XRCC4: variants seen among roughly 807,000 people sequenced by gnomAD.
XRCC4 encodes the protein DNA repair protein XRCC4.
XRCC4 carries 28 observed loss-of-function variants against 39.1 expected under a neutral mutation model. The ratio of observed to expected loss-of-function variants is 0.72; its 90% CI spans 0.53 to 0.98. The LOEUF (loss-of-function observed/expected upper bound fraction) is 0.98. Among genes scored for constraint, XRCC4 ranks in the 50% least tolerant of loss-of-function variants. The pLI is 0.00. For synonymous variants in XRCC4, 123 were observed against 126.4 expected, an observed-to-expected ratio of 0.97 and a Z score of 0.18; for missense variants, 350 against 376.4, an observed-to-expected ratio of 0.93 and a Z score of 0.58.
intron 1 of XRCC4, among the ~76,000 whole-genome samples, chr5:83,094,362 T>C (rs1232629451): frequency 1.0e-5 from 1 of 100,384 alleles, no homozygotes; most frequent in African/African-American, 4.3e-5. Context: ...CTTCCCCTCC[T>C]TTCCCCTCCC....
chr5:83,183,139 A>G (rs1268229924), intron 3 of XRCC4, among the ~76,000 whole-genome samples: 3 of 152,096 alleles, frequency 2.0e-5, no homozygotes, highest in Non-Finnish European at 1.5e-5. Flanking sequence ...ATTCATCATC[A>G]TTTATCTGTA....
intron 3 of XRCC4, among the ~76,000 whole-genome samples, chr5:83,117,082 A>G (rs971503098): frequency 3.3e-5 from 5 of 152,156 alleles, no homozygotes; most frequent in African/African-American, 9.7e-5. Flanking sequence ...GCTTTTCTTT[A>G]TAGATAACAT....
intron 1 of XRCC4, among the ~76,000 whole-genome samples, chr5:83,101,564 T>C (rs1194211456): frequency 1.3e-5 from 2 of 152,078 alleles, no homozygotes; most frequent in Admixed American, 1.3e-4. Context: ...GATAGGCTGG[T>C]AGAGTGGATA....
intron 7 of XRCC4, among the ~76,000 whole-genome samples, chr5:83,264,389 T>C (rs1753880458): frequency 6.6e-6 from 1 of 152,208 alleles, no homozygotes; most frequent in East Asian, 1.9e-4. Flanking sequence ...GAAAGTTATT[T>C]GTTTGCTTTC....
chr5:83,197,476 A>C (rs1164226785), intron 4 of XRCC4, among the ~76,000 whole-genome samples: 1 of 152,144 alleles, frequency 6.6e-6, no homozygotes, highest in Non-Finnish European at 1.5e-5. Context: ...TTGCTTTAAA[A>C]TGTCTGCCAG....
chr5:83,258,399 A>T, intron 6 of XRCC4, 131 bp from the exon 7 acceptor site: 1 of 1,130,860 alleles, frequency 8.8e-7, no homozygotes, highest in Non-Finnish European at 1.3e-6. Context: ...ACAAATCTGC[A>T]TAAAGATTTG....
chr5:83,272,418 G>A (rs552947883), intron 7 of XRCC4, among the ~76,000 whole-genome samples: 6 of 152,016 alleles, frequency 3.9e-5, no homozygotes, highest in Admixed American at 3.9e-4. Context: ...TTATTATTAT[G>A]TATTATACTT....
At chr5:83,275,251 C>CT (rs1428074680) in intron 7 of XRCC4, among the ~76,000 whole-genome samples, 1 of 150,958 alleles carries the variant, frequency 6.6e-6, no homozygotes, top group African/African-American at 2.4e-5. Context: ...AAAGAAACAG[C>CT]TTTGCAGGTC....
intron 2 of XRCC4, among the ~76,000 whole-genome samples, chr5:83,106,474 A>C (rs1314602244): frequency 6.6e-6 from 1 of 152,104 alleles, no homozygotes; most frequent in Admixed American, 6.6e-5. Context: ...AGCCTTAATT[A>C]TCAAAGGAAG....
At chr5:83,359,565 T>G in the XRCC4 span, among the ~76,000 whole-genome samples, 24 of 152,118 alleles carry the variant, frequency 1.6e-4, no homozygotes, top group Non-Finnish European at 2.8e-4. Flanking sequence ...TTCATCCTTA[T>G]ATATTTCTGG....
At chr5:83,306,574 A>G (rs1755495181) in intron 7 of XRCC4, among the ~76,000 whole-genome samples, 1 of 152,244 alleles carries the variant, frequency 6.6e-6, no homozygotes, top group South Asian at 2.1e-4. Flanking sequence ...TTTCATAAGC[A>G]AATGGAAACC....
intron 7 of XRCC4, chr5:83,311,060 A>G (rs1462451112): frequency 1.6e-5 from 4 of 257,536 alleles, no homozygotes; most frequent in Non-Finnish European, 3.2e-5. Flanking sequence ...TTTTTATTGT[A>G]TTAAGCCATC....
chr5:83,134,708 T>C (rs929017171), intron 3 of XRCC4, among the ~76,000 whole-genome samples: 1 of 152,168 alleles, frequency 6.6e-6, no homozygotes, highest in Admixed American at 6.5e-5. Context: ...TTGCGTGTTG[T>C]GGAAGCTTTG....
intron 2 of XRCC4, among the ~76,000 whole-genome samples, chr5:83,105,411 A>C (rs1324302990): frequency 6.6e-6 from 1 of 152,174 alleles, no homozygotes; most frequent in Non-Finnish European, 1.5e-5. Context: ...TTGGTTAGGT[A>C]AATGGGTATG....
At chr5:83,251,628 T>A (rs1292205408) in intron 6 of XRCC4, among the ~76,000 whole-genome samples, 1 of 152,074 alleles carries the variant, frequency 6.6e-6, no homozygotes, top group Admixed American at 6.6e-5. Context: ...CTGCAGATAC[T>A]TCTGGGGTCT....
intron 3 of XRCC4, among the ~76,000 whole-genome samples, chr5:83,165,548 G>A (rs1396378811): frequency 6.6e-6 from 1 of 152,016 alleles, no homozygotes; most frequent in Non-Finnish European, 1.5e-5. Context: ...GTGTTATGGG[G>A]TTTTGTTGTA....
chr5:83,178,582 AC>A (rs1370676239), intron 3 of XRCC4, among the ~76,000 whole-genome samples: 1 of 152,186 alleles, frequency 6.6e-6, no homozygotes, highest in Non-Finnish European at 1.5e-5. Context: ...GGTTTTGAAA[AC>A]AAAGGGCACT....
intron 3 of XRCC4, among the ~76,000 whole-genome samples, chr5:83,156,169 T>C (rs1242380451): frequency 6.6e-6 from 1 of 152,134 alleles, no homozygotes; most frequent in Non-Finnish European, 1.5e-5. Flanking sequence ...GTTTGGTAAC[T>C]GTAGTTTGTT....
At chr5:83,225,127 A>G (rs887699266) in intron 6 of XRCC4, among the ~76,000 whole-genome samples, 4 of 152,166 alleles carry the variant, frequency 2.6e-5, no homozygotes, top group African/African-American at 9.7e-5. Flanking sequence ...CCATTTGGAC[A>G]GAGATTTTAA....
Sources: gnomAD v4.1 joint callset for allele counts (sites outside exome capture counted in the v4.1 genomes callset) on GRCh38, gnomAD v4.1.1 for gene constraint, MANE v1.5 for transcripts, NCBI Gene and HGNC (gene_info 2026-07-23, HGNC 2026-07-21) for gene names.